The following ARHGAP5 variants were observed in gnomAD, a reference collection of about 807,000 sequenced individuals.
ARHGAP5 encodes the protein Rho GTPase activating protein 5, also known as rho GTPase-activating protein 5.
Under a neutral mutation model 116.6 loss-of-function variants are expected in ARHGAP5, and 23 were observed. That is an observed-to-expected ratio of 0.20 (90% CI 0.14 to 0.28). The LOEUF (loss-of-function observed/expected upper bound fraction) is 0.28. Among genes scored for constraint, ARHGAP5 ranks in the 10% least tolerant of loss-of-function variants. The pLI is 1.00. For synonymous variants in ARHGAP5, 574 were observed against 602.0 expected (o/e 0.95, Z 0.68); for missense variants, 1,405 against 1,774.8 (o/e 0.79, Z 3.74).
rs1454358916 is a variant in ARHGAP5, at chr14:32,091,969, T to C, written c.1300T>C (p.Phe434Leu). 1 of 1,613,288 alleles carries C rather than the reference T, an allele frequency of 6.2e-7. No individual in the cohort carries two copies. The highest frequency in any genetic ancestry group is 8.5e-7 in the Non-Finnish European group (1 of 1,179,626). The change falls in exon 2 of 7, where the codon TTC becomes CTC. Residue 434 changes from phenylalanine to leucine, a missense_variant. Around this residue, in one of 6 missense-constraint regions of ARHGAP5, gnomAD observed 944 missense variants for 1,095.3 expected, o/e 0.86. Coordinates refer to ENST00000345122, the MANE Select transcript of ARHGAP5 (RefSeq NM_001030055.2). ...GAGGAGGGTGGAAATGAAGGAAAAA[T>C]TCAAAAAGACTTTGGAAAAAATTCA... is the stretch of plus-strand genomic sequence containing the variant. ...EKRRVEMKEK[F>L]KKTLEKIQFI... is the part of the protein sequence containing the mutation.
chr14:32,084,731 T>A (rs1002127621), intron 1 of ARHGAP5, among the ~76,000 whole-genome samples: 5 of 152,220 alleles, frequency 3.3e-5, no homozygotes, highest in Non-Finnish European at 5.9e-5. Context: ...TAATGACTTT[T>A]TAGGGCTCAT....
intron 4 of ARHGAP5, among the ~76,000 whole-genome samples, chr14:32,149,465 T>C (rs368742095): frequency 1.2e-4 from 18 of 152,132 alleles, no homozygotes; most frequent in Non-Finnish European, 2.4e-4. Flanking sequence ...CTGTGTAGTT[T>C]GTAAGCCTGA....
Position 32,152,406 on chromosome 14 carries a change from C to A in ARHGAP5, c.4076-17C>A. ...GTGTAAGTTTTACACAGATTCTTCA[C>A]TGTTTTAATTTTACAGAAATCCCGG... On this transcript the variant is annotated splice_polypyrimidine_tract_variant and intron_variant, in intron 5 of 6. Coordinates refer to ENST00000345122, the MANE Select transcript of ARHGAP5 (RefSeq NM_001030055.2). The A allele has an allele frequency of 6.6e-7, 1 of 1,507,634 alleles. No individual in the cohort carries two copies. The highest frequency in any genetic ancestry group is 9.1e-7 in the Non-Finnish European group (1 of 1,096,692). The allele number at this position is 1,507,634 out of a possible 1,614,324, so 93.4% of individuals were successfully genotyped here.
chr14:32,128,477 C>G (rs902663304), intron 3 of ARHGAP5, among the ~76,000 whole-genome samples: 2 of 152,262 alleles, frequency 1.3e-5, no homozygotes, highest in Non-Finnish European at 2.9e-5. Context: ...CCCTTCACCT[C>G]GCTGGGCTCT....
At chr14:32,124,686 A>T (rs1233756094) in intron 3 of ARHGAP5, among the ~76,000 whole-genome samples, 6 of 152,210 alleles carry the variant, frequency 3.9e-5, no homozygotes, top group African/African-American at 7.2e-5. Flanking sequence ...TAGTACATTC[A>T]TGTTTGGACA....
chr14:32,135,427 T>G (rs982286056), intron 3 of ARHGAP5, among the ~76,000 whole-genome samples: 1 of 152,238 alleles, frequency 6.6e-6, no homozygotes, highest in South Asian at 2.1e-4. Flanking sequence ...TCTAAGTTGT[T>G]TTTTTGTTTG....
At position 32,155,000 on chromosome 14, in the gene ARHGAP5, A is replaced by G. The variant is rs761866189; in HGVS notation, c.*52A>G. 1.3e-6 allele frequency: 2 copies of G among 1,504,344 alleles called. No homozygotes were observed. Among genetic ancestry groups the G allele is most frequent in the Non-Finnish European group, 1.8e-6 (2 of 1,098,614 alleles). The allele number at this position is 1,504,344 out of a possible 1,614,324, so 93.2% of individuals were successfully genotyped here. ...ATTTGGACAAAAAGCAAATCTAGAC[A>G]TGCATGTTTCAGGGTTCAGTAGTAT... On this transcript the variant is annotated 3_prime_UTR_variant, in exon 7 of 7. Coordinates refer to ENST00000345122, the MANE Select transcript of ARHGAP5 (RefSeq NM_001030055.2).
At chr14:32,085,699 A>G (rs2041822340) in intron 1 of ARHGAP5, among the ~76,000 whole-genome samples, 1 of 152,182 alleles carries the variant, frequency 6.6e-6, no homozygotes, top group African/African-American at 2.4e-5. Context: ...AAGATAGAGC[A>G]TGTAATTACA....
Position 32,156,532 on chromosome 14 carries a change from T to A in ARHGAP5, c.*1584T>A, listed in dbSNP as rs1566689103. 1 of 152,354 alleles carries A rather than the reference T, an allele frequency of 6.6e-6. No individual in the cohort carries two copies. Among genetic ancestry groups the A allele is most frequent in the Admixed American group, 6.6e-5 (1 of 15,266 alleles). The allele number at this position is 152,354 out of a possible 1,614,324, so 9.4% of individuals were successfully genotyped here. ...AGTACATGTATATTATAAATTATCTTATTTGTGTTATACTCTTACATGTTA... is the reference window on the plus strand; with the variant it reads ...AGTACATGTATATTATAAATTATCTAATTTGTGTTATACTCTTACATGTTA... On this transcript the variant is annotated 3_prime_UTR_variant, in exon 7 of 7. Transcript: ENST00000345122.
chr14:32,158,293 A>T lies in ARHGAP5; in HGVS notation c.*3345A>T, dbSNP rs1881984791. 6.6e-6 allele frequency: 1 copy of T among 151,900 alleles called. No individual in the cohort carries two copies. Among genetic ancestry groups the T allele is most frequent in the Admixed American group, 6.6e-5 (1 of 15,258 alleles). The allele number at this position is 151,900 out of a possible 1,614,324, so 9.4% of individuals were successfully genotyped here. Reference sequence around the variant, plus strand: ...AATTTTCACTGTACCTGAAAAGGAGATTCAAAATTTTTTCTGGGGATGTAT... The same window carrying T: ...AATTTTCACTGTACCTGAAAAGGAGTTTCAAAATTTTTTCTGGGGATGTAT... On this transcript the variant is annotated 3_prime_UTR_variant, in exon 7 of 7. Coordinates refer to ENST00000345122, the MANE Select transcript of ARHGAP5 (RefSeq NM_001030055.2).
At chr14:32,140,882 C>G (rs1313068320) in intron 3 of ARHGAP5, among the ~76,000 whole-genome samples, 1 of 152,160 alleles carries the variant, frequency 6.6e-6, no homozygotes, top group Non-Finnish European at 1.5e-5. Context: ...GGTGATCTGT[C>G]TAGTTCTGTT....
In ARHGAP5 at chr14:32,091,569, T is replaced by G. The variant is rs1488193982; in HGVS notation, c.900T>G (p.His300Gln). 11 of 1,612,100 alleles carry G rather than the reference T, an allele frequency of 6.8e-6. No individual in the cohort carries two copies. The highest frequency in any genetic ancestry group is 9.3e-6 in the Non-Finnish European group (11 of 1,179,294). The change falls in exon 2 of 7, where the codon CAT becomes CAG. Residue 300 changes from histidine to glutamine, a missense_variant. By Grantham distance (24) the His-to-Gln change is conservative. Coordinates refer to ENST00000345122, the MANE Select transcript of ARHGAP5 (RefSeq NM_001030055.2). ...WKTVSNKLKN[H>Q]PDYEEYINLE... ...CTGTTAGTAATAAATTAAAAAATCA[T>G]CCTGATTATGAAGAATACATCAACT...
At chr14:32,098,956 G>A (rs1878661141) in intron 2 of ARHGAP5, among the ~76,000 whole-genome samples, 1 of 152,142 alleles carries the variant, frequency 6.6e-6, no homozygotes, top group Non-Finnish European at 1.5e-5. Context: ...TTGAGTGAGG[G>A]CTAGAGAGGC....
rs548327602 is a variant in ARHGAP5 at position 32,133,150 on chromosome 14, G to A, written c.3866-13113G>A. Among the ~76,000 whole-genome samples the A allele has an allele frequency of 5.3e-5, 8 of 152,212 alleles. No individual in the cohort carries two copies. The South Asian group carries it at 1.7e-3, about 32-fold the overall frequency. On this transcript the variant is annotated intron_variant, in intron 3 of 6. Transcript: ENST00000345122. ...AGTCATTGGTAGCTTGATGGGGGTG[G>A]CATTGAATCTATAAATTACCTTGGG...
intron 2 of ARHGAP5, 46 bp downstream of exon 2, chr14:32,094,432 T>C (rs1324795786): frequency 1.4e-6 from 2 of 1,420,864 alleles, no homozygotes; most frequent in South Asian, 1.4e-5. Context: ...ATGCTTGTTG[T>C]TACTTTTTTA....
intron 3 of ARHGAP5, among the ~76,000 whole-genome samples, chr14:32,143,247 T>C (rs913476234): frequency 6.6e-6 from 1 of 151,816 alleles, no homozygotes; most frequent in Non-Finnish European, 1.5e-5. Flanking sequence ...TTGTTATTAT[T>C]ATTATTATTA....
At chr14:32,121,102 C>A (rs925533966) in intron 3 of ARHGAP5, among the ~76,000 whole-genome samples, 1 of 146,078 alleles carries the variant, frequency 6.8e-6, no homozygotes, top group Admixed American at 7.1e-5. Context: ...GTTGCAACCT[C>A]CACCTCCCCG....
chr14:32,099,624 C>T (rs962904210), intron 2 of ARHGAP5, among the ~76,000 whole-genome samples: 45 of 152,116 alleles, frequency 3.0e-4, no homozygotes, highest in East Asian at 1.9e-4. Context: ...AGTATTATAA[C>T]GTACATCAGG....
chr14:32,087,946 G>A lies in ARHGAP5; in HGVS notation c.-168-2556G>A, dbSNP rs562867374. Among the ~76,000 whole-genome samples the A allele has an allele frequency of 2.8e-3, 423 of 152,058 alleles. 4 individuals carry two copies. Among genetic ancestry groups the A allele is most frequent in the African/African-American group, 9.7e-3 (402 of 41,502 alleles). On this transcript the variant is annotated intron_variant, in intron 1 of 6. Transcript: ENST00000345122. ...CCAGTTTTCAGTGACCAATGAAAGG[G>A]TCATGACTTAATGCCTCCACTCTTC...
Sources: allele counts gnomAD v4.1 joint callset (sites outside exome capture counted in the v4.1 genomes callset), GRCh38; gene constraint gnomAD v4.1.1; regional missense constraint gnomAD v4.1.1; transcripts MANE v1.5; gene names NCBI Gene and HGNC (gene_info 2026-07-23, HGNC 2026-07-21).